Variants in SEMA3E observed in about 807,000 individuals in gnomAD.
SEMA3E encodes the protein semaphorin-3E.
In SEMA3E, 49 loss-of-function variants were observed where a neutral mutation model predicts 93.6. The ratio of observed to expected loss-of-function variants is 0.52; its 90% CI spans 0.42 to 0.66. The LOEUF (loss-of-function observed/expected upper bound fraction) is 0.66, where lower values mean the gene tolerates loss of function less well. Among genes scored for constraint, SEMA3E ranks in the 30% least tolerant of loss-of-function variants. The pLI is 0.00. For missense variants in SEMA3E, 906 were observed against 964.8 expected, an observed-to-expected ratio of 0.94 and a Z score of 0.81; for synonymous variants, 363 against 330.7, an observed-to-expected ratio of 1.10 and a Z score of -1.06.
chr7:83,498,236 A>G (rs900521229), intron 1 of SEMA3E, among the ~76,000 whole-genome samples: 10 of 152,096 alleles, frequency 6.6e-5, no homozygotes, highest in Non-Finnish European at 1.5e-4. Context: ...CGGGGATTCA[A>G]AGGTTATATA....
chr7:83,431,949 CTTT>C (rs34741502), intron 4 of SEMA3E, among the ~76,000 whole-genome samples: 7 of 139,144 alleles, frequency 5.0e-5, no homozygotes, highest in Admixed American at 7.2e-5. Flanking sequence ...TAATTGGTGA[CTTT>C]TTTTTTTTTT....
At chr7:83,464,467 T>TGCC (rs1345990363) in intron 4 of SEMA3E, among the ~76,000 whole-genome samples, 46 of 103,084 alleles carry the variant, frequency 4.5e-4, no homozygotes, top group East Asian at 3.5e-3. Flanking sequence ...TTGTTTACAC[T>TGCC]GTTTTTCCAA....
chr7:83,572,203 T>C (rs1275015538), intron 1 of SEMA3E, among the ~76,000 whole-genome samples: 1 of 132,834 alleles, frequency 7.5e-6, no homozygotes, highest in Non-Finnish European at 1.6e-5. Context: ...CATAATTTTT[T>C]TTTGCAGAAG....
intron 16 of SEMA3E, among the ~76,000 whole-genome samples, chr7:83,376,943 G>A (rs1322079428): frequency 5.3e-5 from 8 of 151,910 alleles, no homozygotes; most frequent in Non-Finnish European, 1.5e-5. Flanking sequence ...AAATTATAAT[G>A]CTGGTCTTAT....
chr7:83,512,363 T>A (rs1438281842), intron 1 of SEMA3E, among the ~76,000 whole-genome samples: 2 of 152,230 alleles, frequency 1.3e-5, no homozygotes, highest in Admixed American at 1.3e-4. Context: ...GTTAAATTAC[T>A]TACGGCTGAA....
intron 2 of SEMA3E, among the ~76,000 whole-genome samples, chr7:83,483,416 A>G (rs1167188128): frequency 6.6e-6 from 1 of 152,184 alleles, no homozygotes; most frequent in Non-Finnish European, 1.5e-5. Flanking sequence ...ATAAATTACC[A>G]TTTTAATATC....
intron 14 of SEMA3E, among the ~76,000 whole-genome samples, chr7:83,389,490 A>G (rs1488179547): frequency 1.3e-5 from 2 of 151,600 alleles, no homozygotes; most frequent in African/African-American, 4.8e-5. Context: ...TATTGGAAAC[A>G]TACATTTAAA....
chr7:83,578,644 A>C (rs1014918233), intron 1 of SEMA3E, among the ~76,000 whole-genome samples: 6 of 152,152 alleles, frequency 3.9e-5, no homozygotes, highest in African/African-American at 1.4e-4. Flanking sequence ...AAATTCATAA[A>C]ACAAATGGTA....
chr7:83,603,728 A>G (rs1366465808), intron 1 of SEMA3E, among the ~76,000 whole-genome samples: 3 of 152,178 alleles, frequency 2.0e-5, no homozygotes, highest in African/African-American at 7.2e-5. Context: ...AAGCAAATAC[A>G]TTCTAACCTT....
At chr7:83,625,352 A>G (rs1473535829) in intron 1 of SEMA3E, among the ~76,000 whole-genome samples, 2 of 152,186 alleles carry the variant, frequency 1.3e-5, no homozygotes, top group Non-Finnish European at 2.9e-5. Context: ...CCTCCTATCC[A>G]TGAGCATGGA....
chr7:83,503,311 G>A (rs1790633632), intron 1 of SEMA3E, among the ~76,000 whole-genome samples: 1 of 151,912 alleles, frequency 6.6e-6, no homozygotes, highest in African/African-American at 2.4e-5. Context: ...CAGAAAATTT[G>A]TCTTTATTTC....
Position 83,506,474 on chromosome 7 carries a change from C to T in SEMA3E, c.116-16200G>A, listed in dbSNP as rs113585593. Among the ~76,000 whole-genome samples, 9 of 151,104 alleles carry T rather than the reference C, an allele frequency of 6.0e-5. 1 individual carries two copies. The highest frequency in any genetic ancestry group is 4.0e-4 in the Admixed American group (6 of 15,144). ...GTTCCCAGAGGCTGGAAAAGGGAATCGGGGGCTTATGGTGTGGATGTGAGG... is the reference window on the plus strand; with the variant it reads ...GTTCCCAGAGGCTGGAAAAGGGAATTGGGGGCTTATGGTGTGGATGTGAGG... On this transcript the variant is annotated intron_variant, in intron 1 of 16. Coordinates refer to ENST00000643230, the MANE Select transcript of SEMA3E (RefSeq NM_012431.3).
intron 16 of SEMA3E, among the ~76,000 whole-genome samples, chr7:83,381,293 A>G (rs147466837): frequency 4.6e-5 from 7 of 152,060 alleles, no homozygotes; most frequent in Admixed American, 4.6e-4. Context: ...CTGCTCACTA[A>G]CCTCCAGTCA....
chr7:83,369,839 A>T (rs1423415913), intron 16 of SEMA3E, among the ~76,000 whole-genome samples: 2 of 152,184 alleles, frequency 1.3e-5, no homozygotes, highest in African/African-American at 4.8e-5. Flanking sequence ...ATTTTCCAGC[A>T]CTAGCTTTCT....
chr7:83,628,550 T>C (rs1793722123), intron 1 of SEMA3E, among the ~76,000 whole-genome samples: 2 of 151,806 alleles, frequency 1.3e-5, no homozygotes, highest in African/African-American at 4.8e-5. Flanking sequence ...CTTCAATCTC[T>C]GATATCCTTT....
intron 1 of SEMA3E, among the ~76,000 whole-genome samples, chr7:83,513,089 A>C (rs1370868796): frequency 6.6e-6 from 1 of 152,170 alleles, no homozygotes; most frequent in Non-Finnish European, 1.5e-5. Context: ...ATTTTAACGA[A>C]TTACCATTCA....
At chr7:83,622,063 A>G (rs930295881) in intron 1 of SEMA3E, among the ~76,000 whole-genome samples, 6 of 152,188 alleles carry the variant, frequency 3.9e-5, no homozygotes, top group African/African-American at 7.2e-5. Context: ...CAACATACAG[A>G]ATGGGAGAAA....
chr7:83,437,665 T>C (rs969035706), intron 4 of SEMA3E, among the ~76,000 whole-genome samples: 3 of 152,234 alleles, frequency 2.0e-5, no homozygotes, highest in Admixed American at 1.3e-4. Context: ...AAATGGAAAT[T>C]AAAACAAACT....
chr7:83,431,918 G>A (rs1002158641), intron 4 of SEMA3E, among the ~76,000 whole-genome samples: 2 of 150,472 alleles, frequency 1.3e-5, no homozygotes, highest in Non-Finnish European at 2.9e-5. Context: ...CTGTGCAGGT[G>A]CCACCTATTC....
Sources: allele counts gnomAD v4.1 joint callset (sites outside exome capture counted in the v4.1 genomes callset), GRCh38; gene constraint gnomAD v4.1.1; transcripts MANE v1.5; gene names NCBI Gene and HGNC (gene_info 2026-07-23, HGNC 2026-07-21).